The following TTC7B variants were observed in gnomAD, a reference collection of about 807,000 sequenced individuals.
The protein encoded by TTC7B is tetratricopeptide repeat domain 7B, also known as tetratricopeptide repeat protein 7B.
Under a neutral mutation model 106.8 loss-of-function variants are expected in TTC7B, and 28 were observed. The ratio of observed to expected loss-of-function variants is 0.26; its 90% CI spans 0.19 to 0.36. The LOEUF is 0.36. Ranked by LOEUF, TTC7B falls within the 10% of genes least tolerant of loss-of-function variation. The pLI is 1.00. For missense variants in TTC7B, 862 were observed against 1,076.4 expected (o/e 0.80, Z 2.79); for synonymous variants, 405 against 430.6 (o/e 0.94, Z 0.74).
At chr14:90,813,724 G>A (rs2140068194) in intron 1 of TTC7B, among the ~76,000 whole-genome samples, 1 of 149,744 alleles carries the variant, frequency 6.7e-6, no homozygotes, top group South Asian at 2.1e-4. Context: ...GTCTTAGTGT[G>A]ACAAACGTGA....
intron 3 of TTC7B, among the ~76,000 whole-genome samples, chr14:90,748,272 C>G (rs1890029831): frequency 6.6e-6 from 1 of 152,034 alleles, no homozygotes; most frequent in African/African-American, 2.4e-5. Flanking sequence ...GGCTTAGTCA[C>G]TAAAATTTTT....
intron 3 of TTC7B, among the ~76,000 whole-genome samples, chr14:90,749,402 CTTTTTT>C (rs3085716): frequency 3.4e-5 from 4 of 117,200 alleles, no homozygotes; most frequent in Non-Finnish European, 7.0e-5. Flanking sequence ...AATAATTTTT[CTTTTTT>C]TTTTTTTTTT....
At chr14:90,781,442 T>C (rs1420544398) in intron 2 of TTC7B, among the ~76,000 whole-genome samples, 11 of 152,192 alleles carry the variant, frequency 7.2e-5, no homozygotes, top group Admixed American at 7.2e-4. Flanking sequence ...GTATGGTATG[T>C]GAATCACACT....
chr14:90,787,230 T>C (rs931689422), intron 1 of TTC7B, among the ~76,000 whole-genome samples: 23 of 152,194 alleles, frequency 1.5e-4, no homozygotes, highest in Non-Finnish European at 2.9e-4. Flanking sequence ...ATACTACTAC[T>C]TACGGTTATA....
intron 3 of TTC7B, among the ~76,000 whole-genome samples, chr14:90,750,108 G>C (rs780183601): frequency 2.6e-5 from 4 of 152,188 alleles, no homozygotes; most frequent in Non-Finnish European, 5.9e-5. Flanking sequence ...CCATTTGCCA[G>C]AATAGTTCCA....
chr14:90,706,153 C>T (rs1888199436), intron 5 of TTC7B, among the ~76,000 whole-genome samples: 1 of 140,392 alleles, frequency 7.1e-6, no homozygotes, highest in South Asian at 2.2e-4. Flanking sequence ...CATTTATTAG[C>T]TGGAATAATT....
At chr14:90,561,970 C>A (rs546106377) in intron 19 of TTC7B, among the ~76,000 whole-genome samples, 1 of 152,224 alleles carries the variant, frequency 6.6e-6, no homozygotes, top group African/African-American at 2.4e-5. Flanking sequence ...GCTCCCCAAA[C>A]GTGGGTGCTC....
intron 18 of TTC7B, among the ~76,000 whole-genome samples, chr14:90,586,493 C>A (rs1891719597): frequency 1.3e-5 from 2 of 152,158 alleles, no homozygotes; most frequent in African/African-American, 4.8e-5. Flanking sequence ...TGGTCTTGAA[C>A]TCCTGACCTC....
At chr14:90,794,222 T>TC (rs1469912170) in intron 1 of TTC7B, among the ~76,000 whole-genome samples, 16 of 36,548 alleles carry the variant, frequency 4.4e-4, no homozygotes, top group African/African-American at 7.4e-4. Context: ...TTTTTTTTTT[T>TC]TTTTTTTTTT....
At chr14:90,735,376 G>A (rs2139993507) in intron 4 of TTC7B, among the ~76,000 whole-genome samples, 1 of 151,810 alleles carries the variant, frequency 6.6e-6, no homozygotes, top group South Asian at 2.1e-4. Flanking sequence ...GTGTGGTGGT[G>A]TGTACCTGTA....
intron 19 of TTC7B, among the ~76,000 whole-genome samples, chr14:90,558,383 TGCGCCCACCAA>T (rs1890415260): frequency 6.6e-6 from 1 of 152,262 alleles, no homozygotes; most frequent in African/African-American, 2.4e-5. Context: ...GCTTTAGGGC[TGCGCCCACCAA>T]GCCCACCCCG....
At chr14:90,558,206 G>A (rs1282174190) in intron 19 of TTC7B, among the ~76,000 whole-genome samples, 2 of 152,266 alleles carry the variant, frequency 1.3e-5, no homozygotes, top group Non-Finnish European at 2.9e-5. Flanking sequence ...GTGGGGGATG[G>A]CAGGTGGTCC....
chr14:90,799,207 C>T (rs1282458162), intron 1 of TTC7B, among the ~76,000 whole-genome samples: 1 of 152,206 alleles, frequency 6.6e-6, no homozygotes, highest in East Asian at 1.9e-4. Flanking sequence ...TGCCTCCCTC[C>T]CTTCTCCTGC....
At chr14:90,631,427 G>A (rs1286442) in intron 15 of TTC7B, among the ~76,000 whole-genome samples, 3,426 of 84,142 alleles carry the variant, frequency 0.041, 126 homozygotes, top group African/African-American at 0.13. Flanking sequence ...TTTTTTTTTT[G>A]AGACAGATTC....
intron 3 of TTC7B, among the ~76,000 whole-genome samples, chr14:90,765,717 G>A (rs754809523): frequency 3.9e-5 from 6 of 152,274 alleles, no homozygotes; most frequent in East Asian, 3.9e-4. Context: ...CATTCCTAGA[G>A]AAGCAAATAT....
intron 1 of TTC7B, among the ~76,000 whole-genome samples, chr14:90,804,126 G>T (rs922412038): frequency 2.0e-5 from 3 of 152,142 alleles, no homozygotes. Flanking sequence ...ACGAGGTCAG[G>T]AGATCGAGAC....
intron 3 of TTC7B, among the ~76,000 whole-genome samples, chr14:90,766,026 T>C (rs1398651252): frequency 6.6e-6 from 1 of 151,972 alleles, no homozygotes; most frequent in African/African-American, 2.4e-5. Context: ...TGGGGAAAAT[T>C]AGATGGTTGA....
chr14:90,758,574 C>T (rs1399201410), intron 3 of TTC7B, among the ~76,000 whole-genome samples: 9 of 152,218 alleles, frequency 5.9e-5, no homozygotes, highest in Non-Finnish European at 1.3e-4. Flanking sequence ...ACGCGGCTCC[C>T]GCGACCCCTG....
At chr14:90,781,701 G>A (rs1891225235) in intron 2 of TTC7B, among the ~76,000 whole-genome samples, 1 of 152,148 alleles carries the variant, frequency 6.6e-6, no homozygotes, top group African/African-American at 2.4e-5. Context: ...ATCAGGACTT[G>A]CTTGCTTTCC....
Sources: gnomAD v4.1 joint callset for allele counts (sites outside exome capture counted in the v4.1 genomes callset) on GRCh38, gnomAD v4.1.1 for gene constraint, MANE v1.5 for transcripts, NCBI Gene and HGNC (gene_info 2026-07-23, HGNC 2026-07-21) for gene names.